The following TICAM1 variants were observed in gnomAD, a reference collection of about 807,000 sequenced individuals.
TICAM1 encodes TIR domain-containing adapter molecule 1.
For synonymous variants in TICAM1, 439 were observed against 415.4 expected (o/e 1.06, Z -0.69); for missense variants, 895 against 938.2 (o/e 0.95, Z 0.60).
rs2093587154 is a variant in TICAM1, at chr19:4,817,061, C to G, written c.1317G>C (p.Leu439=). ...EDFQVPGRGE[L]SCLQDAIDHS... ...GGTCTATGGCGTCCTGCAGGCAGCTCAGCTCCCCGCGCCCCGGCACCTGGA... is the reference window on the plus strand; with the variant it reads ...GGTCTATGGCGTCCTGCAGGCAGCTGAGCTCCCCGCGCCCCGGCACCTGGA... Residue 439 remains leucine (L), a synonymous_variant, in exon 2 of 2, where the codon CTG becomes CTC. Coordinates refer to ENST00000248244, the MANE Select transcript of TICAM1 (RefSeq NM_182919.4). The surrounding 1 kb of genome is among the most constrained non-coding windows in gnomAD (Gnocchi z 4.7). 1.3e-5 allele frequency: 21 copies of G among 1,614,002 alleles called. No individual in the cohort carries two copies. The highest frequency in any genetic ancestry group is 1.8e-5 in the Non-Finnish European group (21 of 1,180,014).
In TICAM1 at chr19:4,816,750, T is replaced by C; in HGVS notation, c.1628A>G (p.Glu543Gly). Residue 543 changes from glutamate to glycine, a missense_variant, in exon 2 of 2, where the codon GAA (glutamate) becomes GGA (glycine). Transcript: ENST00000248244. This position sits in a 1 kb window ranked among gnomAD's most constrained non-coding sequence, Gnocchi z 4.3. Reference protein sequence around the residue: ...LQARKAMWRKEQDTRALREQS... With the variant: ...LQARKAMWRKGQDTRALREQS... ...TTCCCGCAGGGCTCGGGTGTCCTGT[T>C]CCTTCCTCCACATGGCCTTTCGGGC... The C allele has an allele frequency of 6.2e-7, 1 of 1,613,756 alleles. No individual in the cohort carries two copies. Among genetic ancestry groups the C allele is most frequent in the African/African-American group, 1.3e-5 (1 of 75,030 alleles).
At position 4,817,012 on chromosome 19, in the gene TICAM1, G is replaced by C; in HGVS notation, c.1366C>G (p.Leu456Val). The part of the protein sequence containing the change: ...IDHSAFIILL[L>V]TSNFDCRLSL... Reference sequence around the variant, plus strand: ...AGGCGACAGTCGAAGTTGGAGGTGAGAAGTAGGATGATGAAAGCTGAGTGG... The same window carrying C: ...AGGCGACAGTCGAAGTTGGAGGTGACAAGTAGGATGATGAAAGCTGAGTGG... Residue 456 changes from leucine to valine, a missense_variant, in exon 2 of 2, where the codon CTC (leucine) becomes GTC (valine). Physicochemically the swap from Leu to Val is conservative, Grantham distance 32. Coordinates refer to ENST00000248244, the MANE Select transcript of TICAM1 (RefSeq NM_182919.4). The surrounding 1 kb of genome is among the most constrained non-coding windows in gnomAD (Gnocchi z 4.7). The C allele has an allele frequency of 6.2e-7, 1 of 1,614,138 alleles. No homozygotes were observed. The highest frequency in any genetic ancestry group is 8.5e-7 in the Non-Finnish European group (1 of 1,180,020).
chr19:4,823,357 C>T (rs981161923), intron 1 of TICAM1, among the ~76,000 whole-genome samples: 19 of 151,368 alleles, frequency 1.3e-4, no homozygotes, highest in African/African-American at 1.9e-4. Flanking sequence ...CCCAGCTACT[C>T]GGGAGGCTGA....
At chr19:4,819,546 A>G (rs2093593661) in intron 1 of TICAM1, among the ~76,000 whole-genome samples, 1 of 152,110 alleles carries the variant, frequency 6.6e-6, no homozygotes, top group Non-Finnish European at 1.5e-5. Context: ...GAGCTTGATG[A>G]CTGAAAGCCA....
intron 1 of TICAM1, among the ~76,000 whole-genome samples, chr19:4,819,764 A>T (rs62116077): frequency 0.14 from 21,842 of 152,068 alleles, 1,633 homozygotes; most frequent in Middle Eastern, 0.2. Context: ...AGTCCCAGCT[A>T]CTCAGGAGGC....
chr19:4,817,150 G>T lies in TICAM1; in HGVS notation c.1228C>A (p.Leu410Met). The change falls in exon 2 of 2, where the codon CTG (leucine) becomes ATG (methionine). Residue 410 changes from leucine to methionine, a missense_variant. Coordinates refer to ENST00000248244, the MANE Select transcript of TICAM1 (RefSeq NM_182919.4). This position sits in a 1 kb window ranked among gnomAD's most constrained non-coding sequence, Gnocchi z 4.7. ...LHARADEHIA[L>M]RVREKLEALG... ...GCCTCCAGCTTCTCCCGAACCCGCA[G>T]GGCGATGTGTTCGTCTGCCCTGGCG... 6.2e-7 allele frequency: 1 copy of T among 1,614,200 alleles called. No individual in the cohort carries two copies. Among genetic ancestry groups the T allele is most frequent in the Admixed American group, 1.7e-5 (1 of 60,012 alleles).
chr19:4,823,364 C>T (rs928358299), intron 1 of TICAM1, among the ~76,000 whole-genome samples: 9 of 151,498 alleles, frequency 5.9e-5, no homozygotes, highest in Non-Finnish European at 1.2e-4. Flanking sequence ...ACTCGGGAGG[C>T]TGAGGCAGGA....
intron 1 of TICAM1, among the ~76,000 whole-genome samples, chr19:4,827,276 G>A (rs1254174578): frequency 1.4e-5 from 2 of 146,556 alleles, no homozygotes; most frequent in Non-Finnish European, 1.5e-5. Context: ...GCTTGAACCC[G>A]GGAGGTGGAG....
chr19:4,825,270 A>G (rs369531852), intron 1 of TICAM1, among the ~76,000 whole-genome samples: 2 of 151,984 alleles, frequency 1.3e-5, no homozygotes, highest in African/African-American at 4.8e-5. Flanking sequence ...ACAGAGCGAG[A>G]CTCTGTCTTA....
Position 4,822,133 on chromosome 19 carries a change from C to T in TICAM1, c.-139-3617G>A, listed in dbSNP as rs1242182510. Among the ~76,000 whole-genome samples, 7 of 151,186 alleles carry T rather than the reference C, an allele frequency of 4.6e-5. No homozygotes were observed. In the East Asian group the frequency reaches 1.4e-3, roughly 29 times the overall value. ...TATTTTTAGTAGAGACGGGGTTTCT[C>T]CGTGTTGGCCAGGCTGGTCTTGAAC... On this transcript the variant is annotated intron_variant, in intron 1 of 1. Transcript: ENST00000248244.
intron 1 of TICAM1, among the ~76,000 whole-genome samples, chr19:4,824,754 G>A (rs919425877): frequency 2.0e-5 from 3 of 151,478 alleles, no homozygotes; most frequent in Non-Finnish European, 2.9e-5. Flanking sequence ...CCAACATGGC[G>A]AAATCCCGTC....
intron 1 of TICAM1, among the ~76,000 whole-genome samples, chr19:4,830,482 A>G (rs905242838): frequency 1.3e-5 from 2 of 152,034 alleles, no homozygotes; most frequent in Admixed American, 1.3e-4. Context: ...TCCTTTTTAA[A>G]TGTTTTAACC....
At chr19:4,827,887 G>A (rs971430775) in intron 1 of TICAM1, among the ~76,000 whole-genome samples, 5 of 152,008 alleles carry the variant, frequency 3.3e-5, no homozygotes, top group East Asian at 1.9e-4. Flanking sequence ...GATGATCCAC[G>A]AATCAACTGC....
intron 1 of TICAM1, among the ~76,000 whole-genome samples, chr19:4,821,153 G>A (rs368457818): frequency 1.3e-5 from 2 of 150,848 alleles, no homozygotes; most frequent in East Asian, 1.9e-4. Flanking sequence ...CCGAGATCAC[G>A]CCACTGCATT....
chr19:4,817,072 GC>G lies in TICAM1; in HGVS notation c.1305del (p.Arg436AlafsTer4). On this transcript the variant is annotated frameshift_variant, in exon 2 of 2. Coordinates refer to ENST00000248244, the MANE Select transcript of TICAM1 (RefSeq NM_182919.4). LOFTEE classifies it low-confidence loss of function (END_TRUNC). The surrounding 1 kb of genome is among the most constrained non-coding windows in gnomAD (Gnocchi z 4.7). ...TCCTGCAGGCAGCTCAGCTCCCCGC[GC>G]CCCGGCACCTGGAAATCCTCGCAGA... ...ATFCEDFQVP[G>X]RGELSCLQDA... 1.2e-6 allele frequency: 2 copies of G among 1,614,116 alleles called. No homozygotes were observed. The highest frequency in any genetic ancestry group is 1.7e-6 in the Non-Finnish European group (2 of 1,180,026).
Position 4,818,036 on chromosome 19 carries a change from C to G in TICAM1, c.342G>C (p.Arg114=). 1 of 1,609,684 alleles carries G rather than the reference C, an allele frequency of 6.2e-7. No individual in the cohort carries two copies. The highest frequency in any genetic ancestry group is 1.1e-5 in the South Asian group (1 of 91,078). The change falls in exon 2 of 2, where the codon CGG becomes CGC. Residue 114 remains arginine (R), a synonymous_variant. Transcript: ENST00000248244. This position sits in a 1 kb window ranked among gnomAD's most constrained non-coding sequence, Gnocchi z 4.0. ...GGACGGCTTCCTGGTAGGCCACGTC[C>G]CGCAGCGAGGCGGGGCACAGCTTCT... The part of the protein sequence containing the change: ...AEEKLCPASL[R]DVAYQEAVRT...
Position 4,828,425 on chromosome 19 carries a change from G to A in TICAM1, c.-140+3189C>T, listed in dbSNP as rs532623359. 4.0e-5 allele frequency among the ~76,000 whole-genome samples: 6 copies of A among 151,772 alleles called. No individual in the cohort carries two copies. The South Asian group carries it at 6.2e-4, about 16-fold the overall frequency. On this transcript the variant is annotated intron_variant, in intron 1 of 1. Transcript: ENST00000248244. Reference sequence around the variant, plus strand: ...CTAATTATTAATGTTTTGTAGGGACGGGGTCTGGAACTCCTGGGCCCAAGC... The same window carrying A: ...CTAATTATTAATGTTTTGTAGGGACAGGGTCTGGAACTCCTGGGCCCAAGC...
Position 4,818,919 on chromosome 19 carries a change from G to A in TICAM1, c.-139-403C>T, listed in dbSNP as rs11466713. ...GAGGTCAGGAGTTCGAGACCAGCCT[G>A]GCCAACATGGTGAAACCCCGTTTCT... On this transcript the variant is annotated intron_variant, in intron 1 of 1. Transcript: ENST00000248244. This position sits in a 1 kb window ranked among gnomAD's most constrained non-coding sequence, Gnocchi z 4.0. Among the ~76,000 whole-genome samples, 709 of 152,256 alleles carry A rather than the reference G, an allele frequency of 4.7e-3. 4 individuals are homozygous for A. The highest frequency in any genetic ancestry group is 0.016 in the African/African-American group (673 of 41,554).
At chr19:4,824,822 A>T (rs2093603155) in intron 1 of TICAM1, among the ~76,000 whole-genome samples, 2 of 152,014 alleles carry the variant, frequency 1.3e-5, no homozygotes, top group African/African-American at 4.8e-5. Flanking sequence ...AGTCCCAGCT[A>T]CTAGGGAGGC....
Sources: gnomAD v4.1 joint callset for allele counts (sites outside exome capture counted in the v4.1 genomes callset) on GRCh38, gnomAD v4.1.1 for gene constraint, Gnocchi (gnomAD v3.1) non-coding constraint, MANE v1.5 for transcripts, NCBI Gene and HGNC (gene_info 2026-07-23, HGNC 2026-07-21) for gene names.